The following CCDC85A variants were observed in gnomAD, a reference collection of about 807,000 sequenced individuals.
CCDC85A encodes the protein coiled-coil domain-containing protein 85A.
Under a neutral mutation model 50.2 loss-of-function variants are expected in CCDC85A, and 38 were observed. The ratio of observed to expected loss-of-function variants is 0.76; its 90% CI spans 0.58 to 0.99. CCDC85A has a LOEUF of 0.99. CCDC85A is among the 50% of genes least tolerant of loss of function. CCDC85A has a pLI of 0.00. For missense variants in CCDC85A, 820 were observed against 742.0 expected (o/e 1.11, Z -1.22); for synonymous variants, 366 against 301.4 (o/e 1.21, Z -2.22).
At chr2:56,250,378 T>G (rs1377522033) in intron 2 of CCDC85A, among the ~76,000 whole-genome samples, 1 of 152,194 alleles carries the variant, frequency 6.6e-6, no homozygotes, top group African/African-American at 2.4e-5. Context: ...GAAAATATTC[T>G]TAGTTTGAAG....
At chr2:56,251,359 A>G (rs1019409956) in intron 2 of CCDC85A, among the ~76,000 whole-genome samples, 2 of 152,238 alleles carry the variant, frequency 1.3e-5, no homozygotes, top group Non-Finnish European at 2.9e-5. Context: ...TGAGTGGAAA[A>G]TAAGGGTTGC....
chr2:56,311,094 C>T (rs1672672169), intron 2 of CCDC85A, among the ~76,000 whole-genome samples: 1 of 152,128 alleles, frequency 6.6e-6, no homozygotes, highest in Non-Finnish European at 1.5e-5. Context: ...TGACTTATGA[C>T]ATAAGCTAGA....
chr2:56,335,266 A>C (rs1674015299), intron 2 of CCDC85A, among the ~76,000 whole-genome samples: 1 of 152,194 alleles, frequency 6.6e-6, no homozygotes, highest in South Asian at 2.1e-4. Flanking sequence ...GTTCTGACGT[A>C]ATTTCCTTAG....
intron 2 of CCDC85A, among the ~76,000 whole-genome samples, chr2:56,304,865 A>G (rs556880159): frequency 1.3e-5 from 2 of 152,076 alleles, no homozygotes; most frequent in South Asian, 2.1e-4. Flanking sequence ...CCTGGCCAAC[A>G]TGGCAAAACC....
At chr2:56,191,291 C>T (rs187325744) in intron 1 of CCDC85A, among the ~76,000 whole-genome samples, 38 of 152,286 alleles carry the variant, frequency 2.5e-4, no homozygotes, top group African/African-American at 8.7e-4. Context: ...CCAGTCTTTC[C>T]CACCACAATA....
chr2:56,339,292 C>T (rs192668658), intron 2 of CCDC85A, among the ~76,000 whole-genome samples: 17 of 152,222 alleles, frequency 1.1e-4, no homozygotes, highest in Admixed American at 4.6e-4. Context: ...CTTCCTGTCC[C>T]AGCCCATATT....
At position 56,184,827 on chromosome 2, in the gene CCDC85A, T is replaced by G; in HGVS notation, c.203T>G (p.Leu68Arg). 1 of 1,544,030 alleles carries G rather than the reference T, an allele frequency of 6.5e-7. No homozygotes were observed. The highest frequency in any genetic ancestry group is 8.7e-7 in the Non-Finnish European group (1 of 1,145,534). The change falls in exon 1 of 6, where the codon CTG becomes CGG. Residue 68 changes from leucine to arginine, a missense_variant. By Grantham distance (102) the Leu-to-Arg change is moderately radical. Transcript: ENST00000407595. ...GAGGCGGAGAAGGTGAGCGCGATGCTGGACCACAGCAACCTCATCCGCGAG... is the reference window on the plus strand; with the variant it reads ...GAGGCGGAGAAGGTGAGCGCGATGCGGGACCACAGCAACCTCATCCGCGAG... ...RAEAEKVSAMLDHSNLIREVN... is the reference protein window; with the variant it reads ...RAEAEKVSAMRDHSNLIREVN...
At chr2:56,203,441 A>G (rs1243739912) in intron 2 of CCDC85A, among the ~76,000 whole-genome samples, 3 of 151,840 alleles carry the variant, frequency 2.0e-5, no homozygotes, top group Non-Finnish European at 4.4e-5. Context: ...TTCTAAAACT[A>G]TATGCCATGT....
At chr2:56,275,513 T>A (rs965986896) in intron 2 of CCDC85A, among the ~76,000 whole-genome samples, 4 of 151,598 alleles carry the variant, frequency 2.6e-5, no homozygotes, top group Non-Finnish European at 4.4e-5. Context: ...TATAGACCAC[T>A]CATTTTATTT....
intron 2 of CCDC85A, among the ~76,000 whole-genome samples, chr2:56,275,416 C>T (rs117164251): frequency 2.0e-5 from 3 of 152,014 alleles, no homozygotes; most frequent in Non-Finnish European, 4.4e-5. Context: ...TGAAATAGAT[C>T]ATCACTGCTA....
At chr2:56,286,608 T>A (rs1214184251) in intron 2 of CCDC85A, among the ~76,000 whole-genome samples, 1 of 152,210 alleles carries the variant, frequency 6.6e-6, no homozygotes, top group African/African-American at 2.4e-5. Context: ...ATATGTTCAT[T>A]TATATGTCCA....
chr2:56,266,832 A>G (rs1474701896), intron 2 of CCDC85A, among the ~76,000 whole-genome samples: 1 of 152,176 alleles, frequency 6.6e-6, no homozygotes, highest in Non-Finnish European at 1.5e-5. Flanking sequence ...GGAAAGGAAT[A>G]GTATCAAGTT....
intron 2 of CCDC85A, among the ~76,000 whole-genome samples, chr2:56,273,592 G>T (rs1178992520): frequency 6.6e-6 from 1 of 151,876 alleles, no homozygotes; most frequent in Non-Finnish European, 1.5e-5. Flanking sequence ...ATTTTAAAAT[G>T]TGTCTTTCAT....
intron 2 of CCDC85A, among the ~76,000 whole-genome samples, chr2:56,239,095 A>T (rs1025940592): frequency 6.6e-5 from 10 of 152,060 alleles, no homozygotes; most frequent in Non-Finnish European, 1.3e-4. Flanking sequence ...AGTGCACTGA[A>T]ATTTAAAATG....
At chr2:56,199,560 A>G (rs962357188) in intron 2 of CCDC85A, among the ~76,000 whole-genome samples, 3 of 151,986 alleles carry the variant, frequency 2.0e-5, no homozygotes, top group Non-Finnish European at 4.4e-5. Flanking sequence ...ATGGCCCTGT[A>G]TGAGTATTCT....
intron 2 of CCDC85A, among the ~76,000 whole-genome samples, chr2:56,240,734 T>C (rs765751329): frequency 2.0e-5 from 3 of 152,216 alleles, no homozygotes; most frequent in Non-Finnish European, 1.5e-5. Context: ...ATTTTATTTT[T>C]AGGGCTAAAT....
At chr2:56,211,603 C>T (rs1573030950) in intron 2 of CCDC85A, among the ~76,000 whole-genome samples, 1 of 151,878 alleles carries the variant, frequency 6.6e-6, no homozygotes, top group East Asian at 1.9e-4. Flanking sequence ...TATTCCTTTT[C>T]CTTTTTACCA....
At chr2:56,259,855 T>C (rs190847749) in intron 2 of CCDC85A, among the ~76,000 whole-genome samples, 1 of 152,338 alleles carries the variant, frequency 6.6e-6, no homozygotes, top group African/African-American at 2.4e-5. Flanking sequence ...CTCCTTGCCT[T>C]TCTGGACACA....
At chr2:56,271,226 T>G (rs1573143387) in intron 2 of CCDC85A, among the ~76,000 whole-genome samples, 1 of 152,154 alleles carries the variant, frequency 6.6e-6, no homozygotes, top group East Asian at 1.9e-4. Context: ...TAGAGTTTGG[T>G]CTTCAGTAGG....
Sources: allele counts gnomAD v4.1 joint callset (sites outside exome capture counted in the v4.1 genomes callset), GRCh38; gene constraint gnomAD v4.1.1; transcripts MANE v1.5; gene names NCBI Gene and HGNC (gene_info 2026-07-23, HGNC 2026-07-21).